Variants in ITSN2 observed in about 807,000 individuals in gnomAD.
The protein encoded by ITSN2 is intersectin 2.
A neutral mutation model predicts 243.7 loss-of-function variants in ITSN2; 156 were observed. The ratio of observed to expected loss-of-function variants is 0.64; its 90% CI spans 0.56 to 0.73. ITSN2 has a LOEUF of 0.73. ITSN2 is among the 30% of genes least tolerant of loss of function. The pLI, the probability that ITSN2 is intolerant of heterozygous loss-of-function variation, is 0.00. For missense variants in ITSN2, 1,801 were observed against 1,996.1 expected (o/e 0.90, Z 1.86); for synonymous variants, 703 against 699.9 (o/e 1.00, Z -0.07).
At chr2:24,260,087 AT>A (rs557800536) in intron 22 of ITSN2, among the ~76,000 whole-genome samples, 86 of 152,204 alleles carry the variant, frequency 5.7e-4, no homozygotes, top group Non-Finnish European at 1.2e-3. Context: ...TGCCCGGCTA[AT>A]TTTTAAATTT....
intron 1 of ITSN2, among the ~76,000 whole-genome samples, chr2:24,338,445 G>A (rs1348508016): frequency 1.3e-5 from 2 of 152,168 alleles, no homozygotes; most frequent in African/African-American, 2.4e-5. Flanking sequence ...TTGGGCACAT[G>A]TTCTCAGGAC....
chr2:24,313,353 T>C (rs1683498672), intron 4 of ITSN2, 107 bp downstream of exon 4: 3 of 853,904 alleles, frequency 3.5e-6, no homozygotes, highest in Non-Finnish European at 5.4e-6. Context: ...GGCAGAAATA[T>C]TCTTAATAAC....
At chr2:24,268,452 T>G (rs1046584395) in intron 20 of ITSN2, among the ~76,000 whole-genome samples, 9 of 152,166 alleles carry the variant, frequency 5.9e-5, no homozygotes, top group Admixed American at 5.9e-4. Context: ...TCTAGCCTTT[T>G]CAAGAATCTT....
rs1553395918 is a variant in ITSN2 at position 24,337,321 on chromosome 2, T to TATATATATACATATATATAC, written c.-33-9207_-33-9206insGTATATATATGTATATATAT. Among the ~76,000 whole-genome samples, 7 of 80,914 alleles carry TATATATATACATATATATAC rather than the reference T, an allele frequency of 8.7e-5. 1 individual carries two copies. Among genetic ancestry groups the TATATATATACATATATATAC allele is most frequent in the Non-Finnish European group, 1.2e-4 (5 of 41,826 alleles). 53.1% of individuals were successfully genotyped at this position (80,914 alleles called of 152,430 possible). On this transcript the variant is annotated intron_variant, in intron 1 of 39. Coordinates refer to ENST00000355123, the MANE Select transcript of ITSN2 (RefSeq NM_006277.3). ...TGTGTGTGTGTATACACAAAATATATATATATATATATATATATATATATA... is the reference window on the plus strand; with the variant it reads ...TGTGTGTGTGTATACACAAAATATATATATATATACATATATATACATATATATATATATATATATATATA...
intron 29 of ITSN2, among the ~76,000 whole-genome samples, chr2:24,226,115 A>C (rs181897316): frequency 6.0e-4 from 92 of 152,288 alleles, no homozygotes; most frequent in South Asian, 2.1e-3. Flanking sequence ...TGTCTAACAC[A>C]TTTCTGTAAT....
rs907708536 is a variant in ITSN2, at chr2:24,242,364, T to A, written c.3577+3765A>T. ...TCTAATTATGTAACAAAATGAAAAA[T>A]AATACTTAAAAGGGCCAAAGAAACA... On this transcript the variant is annotated intron_variant, in intron 29 of 39. Coordinates refer to ENST00000355123, the MANE Select transcript of ITSN2 (RefSeq NM_006277.3). 2.5e-4 allele frequency among the ~76,000 whole-genome samples: 38 copies of A among 152,062 alleles called. 1 individual carries two copies. The highest frequency in any genetic ancestry group is 5.0e-4 in the Non-Finnish European group (34 of 68,008).
intron 1 of ITSN2, among the ~76,000 whole-genome samples, chr2:24,351,987 CA>C (rs1346483844): frequency 6.6e-6 from 1 of 152,084 alleles, no homozygotes; most frequent in East Asian, 1.9e-4. Context: ...ACAGTAAGAA[CA>C]AGTCTTATAT....
At chr2:24,340,962 A>G (rs946776226) in intron 1 of ITSN2, among the ~76,000 whole-genome samples, 1 of 152,204 alleles carries the variant, frequency 6.6e-6, no homozygotes, top group African/African-American at 2.4e-5. Flanking sequence ...GAGTCTTGAG[A>G]CAAACACACC....
Position 24,261,146 on chromosome 2 carries a change from C to A in ITSN2, c.2642G>T (p.Arg881Leu). 1 of 1,613,776 alleles carries A rather than the reference C, an allele frequency of 6.2e-7. No individual in the cohort carries two copies. ...TSWQKKSAFT[R>L]TVSPGSVSPI... ...TGATACAGATCCAGGGGACACAGTT[C>A]GAGTGAAGGCTGATTTTTTCTGCCA... The change falls in exon 22 of 40, where the codon CGA becomes CTA. Residue 881 changes from arginine to leucine, a missense_variant. Arg to Leu is a moderately radical substitution (Grantham distance 102). This residue lies in a region of ITSN2 where 928 missense variants were observed against 1,065.4 expected (regional missense o/e 0.87). Coordinates refer to ENST00000355123, the MANE Select transcript of ITSN2 (RefSeq NM_006277.3).
chr2:24,298,239 C>A (rs192051851), intron 13 of ITSN2, among the ~76,000 whole-genome samples: 3,409 of 152,224 alleles, frequency 0.022, 44 homozygotes, highest in Non-Finnish European at 0.033. Flanking sequence ...CTCACTGCAA[C>A]CTCCGCCTCC....
intron 35 of ITSN2, 98 bp from the exon 36 acceptor site, chr2:24,209,319 T>C (rs965971962): frequency 6.9e-7 from 1 of 1,447,930 alleles, no homozygotes; most frequent in East Asian, 2.3e-5. Context: ...AAGAGCCTTG[T>C]TGAGAAGGAG....
chr2:24,231,303 C>T (rs1372621266), intron 29 of ITSN2, among the ~76,000 whole-genome samples: 1 of 152,144 alleles, frequency 6.6e-6, no homozygotes, highest in African/African-American at 2.4e-5. Context: ...TGCCACATCC[C>T]CAGTGTCTGA....
chr2:24,235,588 A>G (rs551653481), intron 29 of ITSN2, among the ~76,000 whole-genome samples: 1 of 152,274 alleles, frequency 6.6e-6, no homozygotes, highest in East Asian at 1.9e-4. Flanking sequence ...CAAGGGACAT[A>G]TGGGATATCT....
At chr2:24,294,467 A>G (rs1680683475) in intron 14 of ITSN2, among the ~76,000 whole-genome samples, 1 of 152,120 alleles carries the variant, frequency 6.6e-6, no homozygotes, top group African/African-American at 2.4e-5. Flanking sequence ...ATCAGACAGA[A>G]AATATTTTTG....
chr2:24,276,462 G>A (rs1678024267), intron 17 of ITSN2, among the ~76,000 whole-genome samples: 1 of 152,156 alleles, frequency 6.6e-6, no homozygotes, highest in African/African-American at 2.4e-5. Context: ...ATACAAGGCT[G>A]ACTCCCACGT....
intron 15 of ITSN2, among the ~76,000 whole-genome samples, chr2:24,287,248 C>G (rs528007725): frequency 6.6e-6 from 1 of 152,188 alleles, no homozygotes; most frequent in East Asian, 1.9e-4. Context: ...CTAGTTCATT[C>G]TTTTAAATTG....
intron 1 of ITSN2, among the ~76,000 whole-genome samples, chr2:24,332,888 T>G (rs911051836): frequency 6.6e-6 from 1 of 152,234 alleles, no homozygotes; most frequent in East Asian, 1.9e-4. Context: ...TCACAGTAGA[T>G]GTACTGTGTC....
At chr2:24,317,341 G>A (rs1231333988) in intron 2 of ITSN2, among the ~76,000 whole-genome samples, 6 of 150,442 alleles carry the variant, frequency 4.0e-5, no homozygotes, top group African/African-American at 9.8e-5. Flanking sequence ...CTGAGATCAC[G>A]CCATAGCACT....
In ITSN2 at chr2:24,208,284, T is replaced by G. The variant is rs988659607; in HGVS notation, c.4631A>C (p.Glu1544Ala). 6.2e-7 allele frequency: 1 copy of G among 1,612,384 alleles called. No homozygotes were observed. Among genetic ancestry groups the G allele is most frequent in the African/African-American group, 1.3e-5 (1 of 74,848 alleles). Residue 1544 changes from glutamate to alanine, a missense_variant, in exon 37 of 40, where the codon GAG becomes GCG. By Grantham distance (107) the Glu-to-Ala change is moderately radical. This residue lies in a region of ITSN2 where 928 missense variants were observed against 1,065.4 expected (regional missense o/e 0.87). Coordinates refer to ENST00000355123, the MANE Select transcript of ITSN2 (RefSeq NM_006277.3). ...CTTCTTCTCGGTGTCGATGTACTGC[T>G]CAGACGCCGCCTTGATCTTCTGCAC... ...AWVQKIKAAS[E>A]QYIDTEKKKR... is the part of the protein sequence containing the mutation.
Sources: gnomAD v4.1 joint callset for allele counts (sites outside exome capture counted in the v4.1 genomes callset) on GRCh38, gnomAD v4.1.1 for gene constraint, gnomAD v4.1.1 regional missense constraint, MANE v1.5 for transcripts, NCBI Gene and HGNC (gene_info 2026-07-23, HGNC 2026-07-21) for gene names.